TMEM45B: variants seen among roughly 807,000 people sequenced by gnomAD.
TMEM45B encodes the protein transmembrane protein 45B.
TMEM45B carries 29 observed loss-of-function variants against 27.3 expected under a neutral mutation model. The observed-to-expected ratio is 1.06, with a 90% CI of 0.79 to 1.45. The LOEUF (loss-of-function observed/expected upper bound fraction) is 1.45, where lower values mean the gene tolerates loss of function less well. TMEM45B is among the 40% of genes most tolerant of loss of function. The pLI, the probability that TMEM45B is intolerant of heterozygous loss-of-function variation, is 0.00. For synonymous variants in TMEM45B, 143 were observed against 134.7 expected, an observed-to-expected ratio of 1.06 and a Z score of -0.43; for missense variants, 348 against 343.9, an observed-to-expected ratio of 1.01 and a Z score of -0.09.
In TMEM45B at chr11:129,838,732, C is replaced by A. The variant is rs1947654800; in HGVS notation, c.-8-13743C>A. ...ACACACTGGGAGACATTTGCTTTAA[C>A]TCTCCACCTCTGGGAGCAACGTAAT... On this transcript the variant is annotated intron_variant, in intron 1 of 5. Coordinates refer to ENST00000281441, the MANE Select transcript of TMEM45B (RefSeq NM_138788.5). Among the ~76,000 whole-genome samples the A allele has an allele frequency of 2.0e-5, 3 of 152,196 alleles. No homozygotes were observed. In the South Asian group the frequency reaches 6.2e-4, roughly 32 times the overall value.
At chr11:129,839,828 C>A (rs1405106932) in intron 1 of TMEM45B, among the ~76,000 whole-genome samples, 1 of 152,168 alleles carries the variant, frequency 6.6e-6, no homozygotes, top group African/African-American at 2.4e-5. Flanking sequence ...AGCCACTGCA[C>A]CTGACCTAAA....
chr11:129,831,935 G>A (rs1251074800), intron 1 of TMEM45B, among the ~76,000 whole-genome samples: 8 of 151,904 alleles, frequency 5.3e-5, no homozygotes, highest in African/African-American at 9.7e-5. Flanking sequence ...GCATACTGGC[G>A]GATGCCTGTA....
intron 1 of TMEM45B, among the ~76,000 whole-genome samples, chr11:129,821,619 A>AAAC (rs1292870762): frequency 2.6e-5 from 4 of 152,062 alleles, no homozygotes; most frequent in African/African-American, 4.8e-5. Context: ...TTCTTCCTTC[A>AAAC]CACTTGCTTG....
intron 1 of TMEM45B, among the ~76,000 whole-genome samples, chr11:129,817,075 C>T (rs1160623298): frequency 2.6e-5 from 4 of 152,106 alleles, no homozygotes; most frequent in Admixed American, 1.3e-4. Flanking sequence ...ACGTTCTCTT[C>T]GACCGCTTTC....
Position 129,825,896 on chromosome 11 carries a change from G to A in TMEM45B, c.-9+9998G>A, listed in dbSNP as rs527986241. Among the ~76,000 whole-genome samples the A allele has an allele frequency of 3.9e-5, 6 of 152,200 alleles. No individual in the cohort carries two copies. The South Asian group carries it at 6.2e-4, about 16-fold the overall frequency. On this transcript the variant is annotated intron_variant, in intron 1 of 5. Coordinates refer to ENST00000281441, the MANE Select transcript of TMEM45B (RefSeq NM_138788.5). Reference sequence around the variant, plus strand: ...CTTTCCATTATTATTTTCCTTGAGCGCCCAGAAAGAGAATTCTGAACTAAA... The same window carrying A: ...CTTTCCATTATTATTTTCCTTGAGCACCCAGAAAGAGAATTCTGAACTAAA...
In TMEM45B at chr11:129,858,827, T is replaced by A. The variant is rs1591456602; in HGVS notation, c.*142T>A. Reference sequence around the variant, plus strand: ...TCATTCAACACAGGGCTGGAGGTTCTACAACAGGAAATCAGGCCTACAGCA... The same window carrying A: ...TCATTCAACACAGGGCTGGAGGTTCAACAACAGGAAATCAGGCCTACAGCA... On this transcript the variant is annotated 3_prime_UTR_variant, in exon 6 of 6. Coordinates refer to ENST00000281441, the MANE Select transcript of TMEM45B (RefSeq NM_138788.5). The A allele has an allele frequency of 8.8e-6, 5 of 566,986 alleles. No individual in the cohort carries two copies. In the East Asian group the frequency reaches 1.6e-4, roughly 18 times the overall value. The allele number at this position is 566,986 out of a possible 1,614,324, so 35.1% of individuals were successfully genotyped here. A position where few individuals can be genotyped will look rare whatever the true frequency, so the allele number is the denominator to read the frequency against.
intron 1 of TMEM45B, among the ~76,000 whole-genome samples, chr11:129,835,549 T>G (rs201673391): frequency 6.6e-6 from 1 of 152,314 alleles, no homozygotes. Context: ...GATATGGCTG[T>G]GATCATGAGT....
chr11:129,852,855 T>A, intron 2 of TMEM45B, 195 bp downstream of exon 2: 1 of 481,838 alleles, frequency 2.1e-6, no homozygotes, highest in Non-Finnish European at 3.5e-6. Flanking sequence ...TTGACAGCTC[T>A]CACATCATGG....
chr11:129,818,917 A>G (rs753792510), intron 1 of TMEM45B, among the ~76,000 whole-genome samples: 3 of 152,216 alleles, frequency 2.0e-5, no homozygotes, highest in Non-Finnish European at 4.4e-5. Flanking sequence ...AGCTAAAAAC[A>G]ATGTTCAGAT....
chr11:129,824,016 A>C (rs1265964718), intron 1 of TMEM45B, among the ~76,000 whole-genome samples: 4 of 152,202 alleles, frequency 2.6e-5, no homozygotes, highest in Non-Finnish European at 5.9e-5. Context: ...TTTATACATT[A>C]TACAAAGCTC....
intron 1 of TMEM45B, among the ~76,000 whole-genome samples, chr11:129,844,130 G>A (rs1198190205): frequency 1.3e-5 from 2 of 152,082 alleles, no homozygotes; most frequent in African/African-American, 4.8e-5. Flanking sequence ...AAAAAAGAAG[G>A]AAATCCTGCT....
At chr11:129,843,983 A>G (rs1947728177) in intron 1 of TMEM45B, among the ~76,000 whole-genome samples, 1 of 152,212 alleles carries the variant, frequency 6.6e-6, no homozygotes, top group Non-Finnish European at 1.5e-5. Flanking sequence ...TCTTGAAAAG[A>G]TATCTGCCCT....
chr11:129,855,303 G>A (rs1187213045), intron 3 of TMEM45B, among the ~76,000 whole-genome samples: 4 of 151,660 alleles, frequency 2.6e-5, no homozygotes, highest in Non-Finnish European at 5.9e-5. Flanking sequence ...TCCACTGCCA[G>A]GGGAGCGCTG....
chr11:129,852,901 G>A, intron 2 of TMEM45B: 1 of 364,490 alleles, frequency 2.7e-6, no homozygotes, highest in African/African-American at 2.1e-5. Flanking sequence ...AAGGACACAG[G>A]TATGGAAAGT....
chr11:129,856,210 G>A (rs1001983531), intron 4 of TMEM45B, among the ~76,000 whole-genome samples: 1 of 152,108 alleles, frequency 6.6e-6, no homozygotes, highest in African/African-American at 2.4e-5. Flanking sequence ...GGGCCCTGAA[G>A]TTCTGTTTTG....
chr11:129,819,093 CTG>C (rs1168406589), intron 1 of TMEM45B, among the ~76,000 whole-genome samples: 1 of 152,222 alleles, frequency 6.6e-6, no homozygotes, highest in Non-Finnish European at 1.5e-5. Flanking sequence ...GTTATTATAA[CTG>C]TAGCCGTTAT....
rs772750537 is a variant in TMEM45B at position 129,819,698 on chromosome 11, G to A, written c.-9+3800G>A. 6.3e-4 allele frequency among the ~76,000 whole-genome samples: 96 copies of A among 151,836 alleles called. 1 individual carries two copies. The highest frequency in any genetic ancestry group is 1.3e-4 in the Non-Finnish European group (9 of 67,990). On this transcript the variant is annotated intron_variant, in intron 1 of 5. Coordinates refer to ENST00000281441, the MANE Select transcript of TMEM45B (RefSeq NM_138788.5). Reference sequence around the variant, plus strand: ...CAGCCTCCAAGTAGCTGGGATTACAGACGTGCACCACCACGCCCAGCTAAT... The same window carrying A: ...CAGCCTCCAAGTAGCTGGGATTACAAACGTGCACCACCACGCCCAGCTAAT...
At chr11:129,857,149 G>C (rs547724991) in intron 4 of TMEM45B, among the ~76,000 whole-genome samples, 164 bp from the exon 5 acceptor site, 37 of 152,268 alleles carry the variant, frequency 2.4e-4, no homozygotes, top group Admixed American at 9.2e-4. Context: ...ACCATACCTG[G>C]CCAGAGCCAT....
At chr11:129,842,268 G>C (rs1947705888) in intron 1 of TMEM45B, among the ~76,000 whole-genome samples, 1 of 152,148 alleles carries the variant, frequency 6.6e-6, no homozygotes, top group Non-Finnish European at 1.5e-5. Flanking sequence ...AAGCTTCCCA[G>C]GTTTGATGAA....
Sources: allele counts gnomAD v4.1 joint callset (sites outside exome capture counted in the v4.1 genomes callset), GRCh38; gene constraint gnomAD v4.1.1; transcripts MANE v1.5; gene names NCBI Gene and HGNC (gene_info 2026-07-23, HGNC 2026-07-21).